The following PCNX1 variants were observed in gnomAD, a reference collection of about 807,000 sequenced individuals.
PCNX1 encodes pecanex 1.
A neutral mutation model predicts 242.2 loss-of-function variants in PCNX1; 78 were observed. The observed-to-expected ratio is 0.32, with a 90% CI of 0.27 to 0.39. The LOEUF is 0.39. Among genes scored for constraint, PCNX1 ranks in the 10% least tolerant of loss-of-function variants. The pLI, the probability that PCNX1 is intolerant of heterozygous loss-of-function variation, is 1.00. For synonymous variants in PCNX1, 1,024 were observed against 1,032.9 expected (o/e 0.99, Z 0.17); for missense variants, 2,581 against 2,856.5 (o/e 0.90, Z 2.20).
chr14:71,033,884 T>C, intron 17 of PCNX1, 47 bp from the exon 18 acceptor site: 2 of 1,004,098 alleles, frequency 2.0e-6, no homozygotes, highest in East Asian at 4.8e-5. Context: ...GAATTACTGG[T>C]TTTCAGATTA....
chr14:70,976,595 G>A (rs535818083), intron 5 of PCNX1, among the ~76,000 whole-genome samples: 2 of 152,094 alleles, frequency 1.3e-5, no homozygotes, highest in East Asian at 1.9e-4. Flanking sequence ...GGATGGTCTT[G>A]ATCTCCTGAC....
Position 71,026,139 on chromosome 14 carries a change from A to G in PCNX1, c.3206A>G (p.Tyr1069Cys). Residue 1069 changes from tyrosine to cysteine, a missense_variant, in exon 14 of 36, where the codon TAC (tyrosine) becomes TGC (cysteine). Tyr to Cys is a radical substitution (Grantham distance 194). Around this residue, in one of 9 missense-constraint regions of PCNX1, gnomAD observed 432 missense variants for 443.1 expected, o/e 0.97. Coordinates refer to ENST00000304743, the MANE Select transcript of PCNX1 (RefSeq NM_014982.3). ...CAGGGTCATAATCGTATCATTGCCT[A>G]CAGTAGACCAGTTTATTTCTGCATA... ...PRHGHNRIIA[Y>C]SRPVYFCICC... is the part of the protein sequence containing the mutation. 1 of 1,601,086 alleles carries G rather than the reference A, an allele frequency of 6.2e-7. No homozygotes were observed. The highest frequency in any genetic ancestry group is 1.1e-5 in the South Asian group (1 of 88,000).
chr14:71,114,718 A>ATGAT lies in PCNX1; in HGVS notation c.*4785_*4788dup, dbSNP rs1427197831. The ATGAT allele has an allele frequency of 1.3e-5, 2 of 152,452 alleles. No individual in the cohort carries two copies. Among genetic ancestry groups the ATGAT allele is most frequent in the Non-Finnish European group, 1.5e-5 (1 of 68,010 alleles). The allele number at this position is 152,452 out of a possible 1,614,324, so 9.4% of individuals were successfully genotyped here. On this transcript the variant is annotated 3_prime_UTR_variant, in exon 36 of 36. Transcript: ENST00000304743. The stretch of plus-strand genomic sequence containing the variant: ...GCCTCAGCTCTGTACCTGACAATTT[A>ATGAT]TGATTCAGTGGAGCCAAGCTAGAAG...
At chr14:70,937,155 A>G (rs889998989) in intron 1 of PCNX1, among the ~76,000 whole-genome samples, 31 of 152,068 alleles carry the variant, frequency 2.0e-4, no homozygotes, top group South Asian at 4.2e-4. Flanking sequence ...CCATTTGTCA[A>G]TTTTGGCTTT....
intron 2 of PCNX1, 88 bp downstream of exon 2, chr14:70,947,211 C>T: frequency 5.0e-6 from 5 of 1,008,842 alleles, no homozygotes; most frequent in Non-Finnish European, 7.5e-6. Context: ...TACTTGTTTT[C>T]TTTATATGGT....
chr14:71,038,855 A>G (rs1382068866), intron 19 of PCNX1, among the ~76,000 whole-genome samples: 2 of 151,606 alleles, frequency 1.3e-5, no homozygotes, highest in African/African-American at 4.9e-5. Flanking sequence ...GGATTAAGAA[A>G]ATGTGGCACA....
chr14:71,048,876 C>A, intron 22 of PCNX1: 1 of 197,620 alleles, frequency 5.1e-6, no homozygotes, highest in Non-Finnish European at 9.1e-6. Context: ...TTAATTTGAG[C>A]AAAGTTTCAT....
At chr14:71,030,923 T>C (rs2060363558) in intron 16 of PCNX1, among the ~76,000 whole-genome samples, 1 of 152,226 alleles carries the variant, frequency 6.6e-6, no homozygotes, top group African/African-American at 2.4e-5. Flanking sequence ...AAGTTATCCA[T>C]TTGTTTCTGA....
chr14:70,929,967 A>G (rs1483063169), intron 1 of PCNX1, among the ~76,000 whole-genome samples: 3 of 152,236 alleles, frequency 2.0e-5, no homozygotes, highest in African/African-American at 4.8e-5. Context: ...AAATAAAAGT[A>G]TAGGAAAAAT....
chr14:71,026,908 A>G lies in PCNX1; in HGVS notation c.3466+26A>G, dbSNP rs756901226. The G allele has an allele frequency of 4.1e-5, 39 of 954,820 alleles. No individual in the cohort carries two copies. In the Admixed American group the frequency reaches 6.7e-4, roughly 16 times the overall value. 59.1% of individuals were successfully genotyped at this position (954,820 alleles called of 1,614,324 possible). ...GTGAGTACTTCTTTATAAAAATTATAGATTACAGTATTACCTTTATAGATC... is the reference window on the plus strand; with the variant it reads ...GTGAGTACTTCTTTATAAAAATTATGGATTACAGTATTACCTTTATAGATC... On this transcript the variant is annotated intron_variant, in intron 15 of 35. Transcript: ENST00000304743.
intron 10 of PCNX1, 187 bp from the exon 11 acceptor site, chr14:71,012,798 C>A: frequency 1.9e-6 from 1 of 534,322 alleles, no homozygotes. Flanking sequence ...CACCACTGTA[C>A]TTCAGACAAG....
intron 28 of PCNX1, among the ~76,000 whole-genome samples, chr14:71,086,038 A>G (rs1388103898): frequency 6.6e-6 from 1 of 152,014 alleles, no homozygotes; most frequent in African/African-American, 2.4e-5. Flanking sequence ...TTCATTTTGC[A>G]TAGTTTCTCT....
chr14:70,978,403 G>A lies in PCNX1; in HGVS notation c.2066G>A (p.Arg689Gln), dbSNP rs751587521. The A allele has an allele frequency of 1.9e-6, 3 of 1,614,212 alleles. No homozygotes were observed. Among genetic ancestry groups the A allele is most frequent in the African/African-American group, 1.3e-5 (1 of 75,054 alleles). The change falls in exon 6 of 36, where the codon CGA (arginine) becomes CAA (glutamine). Residue 689 changes from arginine (R) to glutamine (Q), a missense_variant. This residue lies in a region of PCNX1 where 1,204 missense variants were observed against 1,216.7 expected (regional missense o/e 0.99). Coordinates refer to ENST00000304743, the MANE Select transcript of PCNX1 (RefSeq NM_014982.3). ...ACAAATAGTGCCAAGACTCGTGCCC[G>A]AGTGTTGAGCCTGGACAGTGGCACA... ...SSTNSAKTRA[R>Q]VLSLDSGTVA...
chr14:70,990,948 C>A (rs978381554), intron 7 of PCNX1, among the ~76,000 whole-genome samples: 2 of 152,040 alleles, frequency 1.3e-5, no homozygotes, highest in Non-Finnish European at 2.9e-5. Flanking sequence ...TTTCTTACTC[C>A]ATGTTTATAT....
At chr14:71,028,636 G>T in intron 15 of PCNX1, 64 bp from the exon 16 acceptor site, 1 of 912,468 alleles carries the variant, frequency 1.1e-6, no homozygotes, top group South Asian at 1.6e-5. Flanking sequence ...GCTTTTCAGT[G>T]ACCTTTTAAT....
chr14:70,970,945 T>C (rs549493402), intron 5 of PCNX1, among the ~76,000 whole-genome samples: 1 of 152,278 alleles, frequency 6.6e-6, no homozygotes, highest in South Asian at 2.1e-4. Context: ...ACTATAAACG[T>C]TTGAAGTTGG....
chr14:71,097,808 G>A (rs557916015), intron 30 of PCNX1, among the ~76,000 whole-genome samples: 44 of 152,092 alleles, frequency 2.9e-4, no homozygotes, highest in African/African-American at 1.1e-3. Flanking sequence ...GTCAGTTTTT[G>A]GTTTTGTTGC....
In PCNX1 at chr14:71,115,003, A is replaced by G. The variant is rs946204703; in HGVS notation, c.*5068A>G. On this transcript the variant is annotated 3_prime_UTR_variant, in exon 36 of 36. Coordinates refer to ENST00000304743, the MANE Select transcript of PCNX1 (RefSeq NM_014982.3). ...TTTTAAAAGCTTATAGTTTAAGTAA[A>G]AGTAAAATGTAAAAACTGATTAAAC... 6.6e-6 allele frequency: 1 copy of G among 152,026 alleles called. No individual in the cohort carries two copies. The highest frequency in any genetic ancestry group is 2.4e-5 in the African/African-American group (1 of 41,370). The allele number at this position is 152,026 out of a possible 1,614,324, so 9.4% of individuals were successfully genotyped here.
At chr14:70,922,789 A>G (rs1428610834) in intron 1 of PCNX1, among the ~76,000 whole-genome samples, 1 of 150,720 alleles carries the variant, frequency 6.6e-6, no homozygotes, top group African/African-American at 2.4e-5. Flanking sequence ...AGTGCAAACA[A>G]TGCTGGGCAA....
Sources: gnomAD v4.1 joint callset for allele counts (sites outside exome capture counted in the v4.1 genomes callset) on GRCh38, gnomAD v4.1.1 for gene constraint, gnomAD v4.1.1 regional missense constraint, MANE v1.5 for transcripts, NCBI Gene and HGNC (gene_info 2026-07-23, HGNC 2026-07-21) for gene names.